NR5A2: variants seen among roughly 807,000 people sequenced by gnomAD.
The protein encoded by NR5A2 is nuclear receptor subfamily 5 group A member 2.
A neutral mutation model predicts 62.7 loss-of-function variants in NR5A2; 26 were observed. The observed-to-expected ratio is 0.41, with a 90% CI of 0.30 to 0.58. NR5A2 has a LOEUF of 0.58. Ranked by LOEUF, NR5A2 falls within the 20% of genes least tolerant of loss-of-function variation. NR5A2 has a pLI of 0.22. For synonymous variants in NR5A2, 246 were observed against 241.7 expected, an observed-to-expected ratio of 1.02 and a Z score of -0.16; for missense variants, 541 against 669.1, an observed-to-expected ratio of 0.81 and a Z score of 2.11.
At chr1:200,045,615 A>G in intron 4 of NR5A2, 31 bp downstream of exon 4, 1 of 1,578,844 alleles carries the variant, frequency 6.3e-7, no homozygotes. Context: ...ACTGCCTATT[A>G]AAACTCTCCA....
In NR5A2 at chr1:200,074,724, G is replaced by A. The variant is rs751125976; in HGVS notation, c.1110+25906G>A. ...TGCACTCCAGTCTGGGCGACAGGGCGAGAGTCCATCTCAAAAAAAAAAAAA... is the reference window on the plus strand; with the variant it reads ...TGCACTCCAGTCTGGGCGACAGGGCAAGAGTCCATCTCAAAAAAAAAAAAA... On this transcript the variant is annotated intron_variant, in intron 5 of 7. Transcript: ENST00000367362. Among the ~76,000 whole-genome samples the A allele has an allele frequency of 1.1e-3, 79 of 72,554 alleles. 1 individual carries two copies. The highest frequency in any genetic ancestry group is 1.7e-3 in the Non-Finnish European group (69 of 40,448). 47.6% of individuals were successfully genotyped at this position (72,554 alleles called of 152,430 possible).
rs565970396 is a variant in NR5A2, at chr1:200,074,937, T to C, written c.1110+26119T>C. Among the ~76,000 whole-genome samples, 5 of 152,004 alleles carry C rather than the reference T, an allele frequency of 3.3e-5. No homozygotes were observed. The South Asian group carries it at 1.0e-3, about 32-fold the overall frequency. On this transcript the variant is annotated intron_variant, in intron 5 of 7. Coordinates refer to ENST00000367362, the MANE Select transcript of NR5A2 (RefSeq NM_205860.3). The stretch of plus-strand genomic sequence containing the variant: ...GGGTTTACACGTGAAATTATGAAGA[T>C]ATGGAATTTAGTAATAATTCTTTTT...
intron 7 of NR5A2, among the ~76,000 whole-genome samples, chr1:200,172,739 G>A (rs1418527818): frequency 6.6e-6 from 1 of 152,212 alleles, no homozygotes; most frequent in Non-Finnish European, 1.5e-5. Flanking sequence ...ACATATGTAG[G>A]TTAAGTTCAA....
chr1:200,070,595 G>T (rs776479238), intron 5 of NR5A2, among the ~76,000 whole-genome samples: 2 of 150,906 alleles, frequency 1.3e-5, no homozygotes, highest in Non-Finnish European at 2.9e-5. Flanking sequence ...CAGGATGATC[G>T]CTTGAGCTGA....
chr1:200,047,584 C>T (rs2737639), intron 4 of NR5A2, among the ~76,000 whole-genome samples: 10 of 148,306 alleles, frequency 6.7e-5, no homozygotes, highest in African/African-American at 2.3e-4. Flanking sequence ...TATTTCTTTT[C>T]TTTTTTTTGA....
At chr1:200,037,082 A>G (rs1454151354) in intron 1 of NR5A2, among the ~76,000 whole-genome samples, 1 of 151,868 alleles carries the variant, frequency 6.6e-6, no homozygotes, top group African/African-American at 2.4e-5. Context: ...TCTTTCGGGG[A>G]TGTGGTGGGA....
At position 200,072,514 on chromosome 1, in the gene NR5A2, G is replaced by A. The variant is rs542777773; in HGVS notation, c.1110+23696G>A. On this transcript the variant is annotated intron_variant, in intron 5 of 7. Transcript: ENST00000367362. ...GTATAAAACTTGGAAAGAAAACACCGTTGTATACCCCTACCCACCATTGAA... is the reference window on the plus strand; with the variant it reads ...GTATAAAACTTGGAAAGAAAACACCATTGTATACCCCTACCCACCATTGAA... Among the ~76,000 whole-genome samples, 57 of 152,110 alleles carry A rather than the reference G, an allele frequency of 3.7e-4. 1 individual carries two copies. The highest frequency in any genetic ancestry group is 2.9e-3 in the East Asian group (15 of 5,184).
chr1:200,075,495 T>A (rs1471900762), intron 5 of NR5A2, among the ~76,000 whole-genome samples: 1 of 152,246 alleles, frequency 6.6e-6, no homozygotes, highest in Non-Finnish European at 1.5e-5. Flanking sequence ...ATTTGGAGCA[T>A]GCAAATAGTT....
chr1:200,166,031 C>A (rs1653883588), intron 7 of NR5A2, among the ~76,000 whole-genome samples: 1 of 152,164 alleles, frequency 6.6e-6, no homozygotes, highest in African/African-American at 2.4e-5. Flanking sequence ...ACACAGGTGC[C>A]TCTAGGTGCC....
At chr1:200,145,864 G>C (rs558406284) in intron 7 of NR5A2, among the ~76,000 whole-genome samples, 45 of 152,288 alleles carry the variant, frequency 3.0e-4, no homozygotes, top group African/African-American at 1.1e-3. Flanking sequence ...AAGAAGGGCA[G>C]TCAGTTTATG....
chr1:200,034,789 T>C (rs1319683194), intron 1 of NR5A2, among the ~76,000 whole-genome samples: 3 of 71,552 alleles, frequency 4.2e-5, no homozygotes, highest in Non-Finnish European at 8.4e-5. Context: ...AAGGCTTTTT[T>C]TTTTTTTTTT....
intron 7 of NR5A2, among the ~76,000 whole-genome samples, chr1:200,149,390 C>A (rs1352026560): frequency 1.3e-5 from 2 of 152,174 alleles, no homozygotes; most frequent in South Asian, 2.1e-4. Context: ...CACTGGCTAC[C>A]GTGTAGTTAT....
chr1:200,103,270 C>T (rs994818541), intron 5 of NR5A2, among the ~76,000 whole-genome samples: 23 of 151,924 alleles, frequency 1.5e-4, no homozygotes, highest in African/African-American at 5.3e-4. Context: ...ATTACAGGCA[C>T]ATGCCACCAC....
intron 7 of NR5A2, among the ~76,000 whole-genome samples, chr1:200,130,085 T>C (rs1666897429): frequency 6.6e-6 from 1 of 152,182 alleles, no homozygotes; most frequent in Non-Finnish European, 1.5e-5. Context: ...TGTTGTGTTG[T>C]GTTGTTTTTC....
At chr1:200,157,290 A>C (rs1034525783) in intron 7 of NR5A2, among the ~76,000 whole-genome samples, 2 of 152,236 alleles carry the variant, frequency 1.3e-5, no homozygotes, top group Non-Finnish European at 2.9e-5. Flanking sequence ...TCTGCTAAAT[A>C]ATCAGGAGTT....
chr1:200,052,919 C>A (rs533146727), intron 5 of NR5A2, among the ~76,000 whole-genome samples: 1 of 152,220 alleles, frequency 6.6e-6, no homozygotes, highest in Non-Finnish European at 1.5e-5. Flanking sequence ...GGATTATAGG[C>A]ATGAGCCACC....
chr1:200,059,724 T>C (rs969051130), intron 5 of NR5A2, among the ~76,000 whole-genome samples: 6 of 152,206 alleles, frequency 3.9e-5, no homozygotes, highest in Non-Finnish European at 8.8e-5. Flanking sequence ...TGAACCTATA[T>C]GGTAAAATAG....
rs755717607 is a variant in NR5A2, at chr1:200,112,020, C to A, written c.1230+699C>A. Reference sequence around the variant, plus strand: ...GTAGCAGGGAGAAGCTGACATTAAACAATAATCCTAAGAAACAAGCCTGTA... The same window carrying A: ...GTAGCAGGGAGAAGCTGACATTAAAAAATAATCCTAAGAAACAAGCCTGTA... On this transcript the variant is annotated intron_variant, in intron 6 of 7. Coordinates refer to ENST00000367362, the MANE Select transcript of NR5A2 (RefSeq NM_205860.3). 2.2e-4 allele frequency among the ~76,000 whole-genome samples: 32 copies of A among 145,308 alleles called. 1 individual carries two copies. Among genetic ancestry groups the A allele is most frequent in the East Asian group, 4.0e-4 (2 of 5,002 alleles).
chr1:200,036,765 G>T (rs1041576064), intron 1 of NR5A2, among the ~76,000 whole-genome samples: 1 of 152,146 alleles, frequency 6.6e-6, no homozygotes, highest in African/African-American at 2.4e-5. Context: ...TGAGCTAGGA[G>T]TTCCCTTGGT....
Sources: gnomAD v4.1 joint callset for allele counts (sites outside exome capture counted in the v4.1 genomes callset) on GRCh38, gnomAD v4.1.1 for gene constraint, MANE v1.5 for transcripts, NCBI Gene and HGNC (gene_info 2026-07-23, HGNC 2026-07-21) for gene names.